PPFIA2: variants seen among roughly 807,000 people sequenced by gnomAD.
PPFIA2 encodes the protein liprin-alpha-2.
In PPFIA2, 46 loss-of-function variants were observed where a neutral mutation model predicts 175.5. The observed-to-expected ratio is 0.26, with a 90% CI of 0.21 to 0.34. The LOEUF is 0.34. PPFIA2 is among the 10% of genes least tolerant of loss of function. The pLI is 1.00. For synonymous variants in PPFIA2, 568 were observed against 511.4 expected (o/e 1.11, Z -1.49); for missense variants, 1,179 against 1,506.1 (o/e 0.78, Z 3.60).
intron 4 of PPFIA2, chr12:81,546,248 G>A (rs1387427173): frequency 1.3e-5 from 2 of 152,076 alleles, no homozygotes; most frequent in Non-Finnish European, 2.9e-5. Context: ...CCAAGCCACA[G>A]GAACCTCTTT....
intron 2 of PPFIA2, among the ~76,000 whole-genome samples, chr12:81,756,500 C>T (rs2084687358): frequency 1.3e-5 from 2 of 152,014 alleles, no homozygotes; most frequent in African/African-American, 2.4e-5. Flanking sequence ...TCGATTTAGT[C>T]AAAAGATGCT....
intron 4 of PPFIA2, among the ~76,000 whole-genome samples, chr12:81,654,208 G>C (rs2067438374): frequency 6.6e-6 from 1 of 151,644 alleles, no homozygotes. Flanking sequence ...TAAATGTAAA[G>C]AAAAGATACA....
intron 20 of PPFIA2, among the ~76,000 whole-genome samples, chr12:81,339,662 C>T (rs1362541362): frequency 1.3e-5 from 2 of 151,918 alleles, no homozygotes; most frequent in Non-Finnish European, 2.9e-5. Flanking sequence ...GCACTTGATC[C>T]ATTGTCTATT....
intron 4 of PPFIA2, among the ~76,000 whole-genome samples, chr12:81,638,750 G>C (rs1283051066): frequency 2.1e-5 from 3 of 142,842 alleles, no homozygotes; most frequent in East Asian, 4.0e-4. Context: ...TGCAGTGGCG[G>C]GATCTCGGCT....
intron 8 of PPFIA2, among the ~76,000 whole-genome samples, chr12:81,388,157 C>A (rs1340855778): frequency 6.6e-6 from 1 of 152,048 alleles, no homozygotes; most frequent in Non-Finnish European, 1.5e-5. Flanking sequence ...AATTTAGTAA[C>A]CAACAGGGAT....
At chr12:81,502,519 C>T (rs1001335692) in intron 4 of PPFIA2, among the ~76,000 whole-genome samples, 20 of 152,066 alleles carry the variant, frequency 1.3e-4, no homozygotes, top group African/African-American at 2.2e-4. Flanking sequence ...TTCATCCAAA[C>T]GATTTAATGT....
intron 4 of PPFIA2, among the ~76,000 whole-genome samples, chr12:81,610,852 G>C (rs900995403): frequency 4.6e-5 from 7 of 152,196 alleles, no homozygotes; most frequent in African/African-American, 1.7e-4. Context: ...GAGTTTTGAT[G>C]TTCCTTTAAC....
chr12:81,523,710 G>A (rs1458332349), intron 4 of PPFIA2, among the ~76,000 whole-genome samples: 1 of 152,008 alleles, frequency 6.6e-6, no homozygotes, highest in Non-Finnish European at 1.5e-5. Flanking sequence ...TACAATGTGA[G>A]GAACGCTTAG....
chr12:81,450,811 TG>T (rs779433631), intron 5 of PPFIA2, among the ~76,000 whole-genome samples: 1 of 152,186 alleles, frequency 6.6e-6, no homozygotes, highest in African/African-American at 2.4e-5. Context: ...AATTAATTTT[TG>T]TATAAGGTGT....
chr12:81,725,049 T>C, intron 3 of PPFIA2, among the ~76,000 whole-genome samples: 1 of 151,140 alleles, frequency 6.6e-6, no homozygotes, highest in Non-Finnish European at 1.5e-5. Context: ...TATCTCATTG[T>C]GATTTTAATT....
chr12:81,544,490 C>T (rs777491058), intron 4 of PPFIA2, among the ~76,000 whole-genome samples: 4 of 152,216 alleles, frequency 2.6e-5, no homozygotes, highest in Admixed American at 6.5e-5. Flanking sequence ...AACATACTTC[C>T]GGCATAGCTT....
intron 4 of PPFIA2, among the ~76,000 whole-genome samples, chr12:81,584,895 TTA>T (rs1226489096): frequency 8.1e-6 from 1 of 123,166 alleles, no homozygotes; most frequent in Non-Finnish European, 1.6e-5. Flanking sequence ...TTAATTATAT[TTA>T]TATATAATAT....
chr12:81,273,388 C>T (rs989333745), intron 28 of PPFIA2, among the ~76,000 whole-genome samples: 90 of 152,118 alleles, frequency 5.9e-4, no homozygotes, highest in African/African-American at 2.1e-3. Flanking sequence ...GACAGTTTTA[C>T]TATTTCCTTA....
chr12:81,656,598 T>C (rs1596069168), intron 4 of PPFIA2, among the ~76,000 whole-genome samples: 1 of 151,982 alleles, frequency 6.6e-6, no homozygotes. Flanking sequence ...TAATCTGTGA[T>C]AAAGGAAAGA....
At chr12:81,370,866 C>T (rs1265624952) in intron 11 of PPFIA2, among the ~76,000 whole-genome samples, 1 of 151,816 alleles carries the variant, frequency 6.6e-6, no homozygotes, top group Non-Finnish European at 1.5e-5. Context: ...AATTTAACTC[C>T]ACAGCATATT....
At chr12:81,588,929 C>A (rs2075652499) in intron 4 of PPFIA2, among the ~76,000 whole-genome samples, 1 of 151,940 alleles carries the variant, frequency 6.6e-6, no homozygotes, top group African/African-American at 2.4e-5. Context: ...CCAGATGATA[C>A]CTGAAACATA....
intron 22 of PPFIA2, chr12:81,302,324 T>G (rs529789168): frequency 4.1e-6 from 1 of 242,660 alleles, no homozygotes; most frequent in East Asian, 1.1e-4. Flanking sequence ...TATTTGGGAT[T>G]CCTGGTGAGA....
chr12:81,633,201 T>C (rs11114950), intron 4 of PPFIA2, among the ~76,000 whole-genome samples: 9,325 of 152,140 alleles, frequency 0.061, 447 homozygotes, highest in East Asian at 0.23. Context: ...AATGGAGCTA[T>C]AGGAAAAGGA....
intron 4 of PPFIA2, among the ~76,000 whole-genome samples, chr12:81,540,235 A>C (rs1433847831): frequency 3.3e-5 from 5 of 152,086 alleles, no homozygotes; most frequent in South Asian, 2.1e-4. Flanking sequence ...CCAGGGAATA[A>C]AGAAGTAAAC....
Sources: gnomAD v4.1 joint callset for allele counts (sites outside exome capture counted in the v4.1 genomes callset) on GRCh38, gnomAD v4.1.1 for gene constraint, MANE v1.5 for transcripts, NCBI Gene and HGNC (gene_info 2026-07-23, HGNC 2026-07-21) for gene names.